OPHN1: variants seen among roughly 807,000 people sequenced by gnomAD.
OPHN1 encodes the protein oligophrenin-1.
OPHN1 carries 11 observed loss-of-function variants against 60.7 expected under a neutral mutation model. The ratio of observed to expected loss-of-function variants is 0.18; its 90% CI spans 0.11 to 0.30. The LOEUF is 0.30. Ranked by LOEUF, OPHN1 falls within the 10% of genes least tolerant of loss-of-function variation. The pLI is 1.00. For synonymous variants in OPHN1, 226 were observed against 222.6 expected (o/e 1.02, Z -0.14); for missense variants, 449 against 611.0 (o/e 0.73, Z 2.80).
At chrX:68,339,098 A>T (rs937721741) in intron 2 of OPHN1, among the ~76,000 whole-genome samples, 30 of 103,957 alleles carry the variant, frequency 2.9e-4, no homozygotes, top group Admixed American at 5.4e-4. Context: ...ATATATATAT[A>T]TATATATTTA....
intron 19 of OPHN1, among the ~76,000 whole-genome samples, chrX:68,092,347 T>C (rs151232566): frequency 3.6e-5 from 4 of 111,884 alleles, no homozygotes; most frequent in African/African-American, 1.3e-4. Context: ...CTACATAAGG[T>C]CTAGAATTTC....
chrX:68,345,498 T>C (rs914444203), intron 2 of OPHN1, among the ~76,000 whole-genome samples: 1 of 112,598 alleles, frequency 8.9e-6, no homozygotes, highest in Admixed American at 9.4e-5. Flanking sequence ...AGGTGGGTTT[T>C]ACAAAATGAG....
chrX:68,091,887 T>C (rs1330919190), intron 19 of OPHN1, among the ~76,000 whole-genome samples: 1 of 111,537 alleles, frequency 9.0e-6, no homozygotes, highest in Non-Finnish European at 1.9e-5. Flanking sequence ...TTCAGAATAA[T>C]TGGCAATGTT....
chrX:68,212,260 A>C (rs772601843), intron 7 of OPHN1, 48 bp from the exon 8 acceptor site: 12 of 892,155 alleles, frequency 1.3e-5, no homozygotes, highest in Non-Finnish European at 1.9e-5. Flanking sequence ...TCTTCTAATA[A>C]ACTAAATAAA....
intron 5 of OPHN1, among the ~76,000 whole-genome samples, chrX:68,251,432 C>T (rs1169044042): frequency 9.1e-6 from 1 of 109,588 alleles, no homozygotes; most frequent in South Asian, 4.0e-4. Context: ...GATCCACCTG[C>T]CTTGGCCTCC....
intron 15 of OPHN1, among the ~76,000 whole-genome samples, chrX:68,120,031 C>T (rs892387485): frequency 1.8e-5 from 2 of 111,186 alleles, no homozygotes; most frequent in South Asian, 3.8e-4. Context: ...AGGGAAATAC[C>T]GAATTCCAGA....
intron 2 of OPHN1, among the ~76,000 whole-genome samples, chrX:68,382,206 G>A (rs1454913985): frequency 2.7e-5 from 3 of 110,500 alleles, no homozygotes; most frequent in African/African-American, 9.9e-5. Context: ...AATCAGCCGG[G>A]CGTGGTGGTA....
At chrX:68,372,690 T>C (rs2078535448) in intron 2 of OPHN1, among the ~76,000 whole-genome samples, 1 of 110,670 alleles carries the variant, frequency 9.0e-6, no homozygotes, top group South Asian at 3.9e-4. Context: ...AAAACATTTG[T>C]TTTGCCACAT....
chrX:68,247,862 G>A (rs1020094946), intron 5 of OPHN1, among the ~76,000 whole-genome samples: 4 of 110,252 alleles, frequency 3.6e-5, no homozygotes, highest in Admixed American at 9.7e-5. Flanking sequence ...CTGAGATCAC[G>A]CTACTGCACT....
chrX:68,180,021 G>C (rs1049068567), intron 15 of OPHN1, among the ~76,000 whole-genome samples: 1 of 111,205 alleles, frequency 9.0e-6, no homozygotes, highest in Non-Finnish European at 1.9e-5. Context: ...CTTCAGTTTG[G>C]GAGGGGATAT....
Position 68,074,862 on chromosome X carries a change from A to C in OPHN1, c.1687-1563T>G, listed in dbSNP as rs1053040202. 4.5e-5 allele frequency among the ~76,000 whole-genome samples: 5 copies of C among 111,604 alleles called. No homozygotes were observed. In the East Asian group the frequency reaches 1.4e-3, roughly 31 times the overall value. On this transcript the variant is annotated intron_variant, in intron 19 of 24. Coordinates refer to ENST00000355520, the MANE Select transcript of OPHN1 (RefSeq NM_002547.3). ...AAGAGGGACTGGAATTGCTGAGGCA[A>C]AAAACAAATACATTTGCAATTCTAA...
intron 2 of OPHN1, among the ~76,000 whole-genome samples, chrX:68,301,445 C>CAAAAAAA (rs56927719): frequency 1.7e-4 from 6 of 35,328 alleles, no homozygotes; most frequent in East Asian, 1.0e-3. Context: ...GACTCCATCT[C>CAAAAAAA]AAAAAAAAAA....
chrX:68,367,203 A>T lies in OPHN1; in HGVS notation c.154+65664T>A, dbSNP rs976421747. 2.7e-5 allele frequency among the ~76,000 whole-genome samples: 3 copies of T among 109,655 alleles called. No individual in the cohort carries two copies. In the East Asian group the frequency reaches 8.6e-4, roughly 31 times the overall value. On this transcript the variant is annotated intron_variant, in intron 2 of 24. Coordinates refer to ENST00000355520, the MANE Select transcript of OPHN1 (RefSeq NM_002547.3). Reference sequence around the variant, plus strand: ...ATGTCTCTACTAAAAATACAAAAAAAATTAGCAGGGTGTGCTGGTGTGCAC... The same window carrying T: ...ATGTCTCTACTAAAAATACAAAAAATATTAGCAGGGTGTGCTGGTGTGCAC...
intron 15 of OPHN1, among the ~76,000 whole-genome samples, chrX:68,145,715 C>T (rs2077261017): frequency 8.9e-6 from 1 of 111,832 alleles, no homozygotes; most frequent in Non-Finnish European, 1.9e-5. Context: ...CATGCACATA[C>T]CCATAAATGC....
At chrX:68,184,054 C>T (rs1210054466) in intron 15 of OPHN1, among the ~76,000 whole-genome samples, 2 of 111,216 alleles carry the variant, frequency 1.8e-5, no homozygotes, top group South Asian at 3.8e-4. Flanking sequence ...GGCAATGAGT[C>T]GGAGGGGGGA....
chrX:68,413,876 A>G (rs1274824639), intron 2 of OPHN1, among the ~76,000 whole-genome samples: 1 of 112,013 alleles, frequency 8.9e-6, no homozygotes, highest in Non-Finnish European at 1.9e-5. Context: ...TCACCAGCTC[A>G]TAAGGGGGAA....
rs149075555 is a variant in OPHN1, at chrX:68,381,379, C to T, written c.154+51488G>A. On this transcript the variant is annotated intron_variant, in intron 2 of 24. Coordinates refer to ENST00000355520, the MANE Select transcript of OPHN1 (RefSeq NM_002547.3). ...GGATTTTTTTGTATTTTGCCCACTG[C>T]TCTACCCCCAGTGGCTGCAAGAGTG... Among the ~76,000 whole-genome samples the T allele has an allele frequency of 7.5e-3, 836 of 111,557 alleles. 7 individuals are homozygous for T. The highest frequency in any genetic ancestry group is 0.025 in the African/African-American group (773 of 30,694).
chrX:68,343,274 C>A (rs867288109), intron 2 of OPHN1, among the ~76,000 whole-genome samples: 83 of 62,364 alleles, frequency 1.3e-3, no homozygotes, highest in Admixed American at 1.8e-3. Context: ...AGCTCTGTCT[C>A]AAAAAAAAAA....
At chrX:68,387,661 GAATT>G (rs996002780) in intron 2 of OPHN1, among the ~76,000 whole-genome samples, 7 of 111,345 alleles carry the variant, frequency 6.3e-5, no homozygotes, top group African/African-American at 1.6e-4. Context: ...AATATTTGTG[GAATT>G]AATTATTATT....
Sources: gnomAD v4.1 joint callset for allele counts (sites outside exome capture counted in the v4.1 genomes callset) on GRCh38, gnomAD v4.1.1 for gene constraint, MANE v1.5 for transcripts, NCBI Gene and HGNC (gene_info 2026-07-23, HGNC 2026-07-21) for gene names.